The following NDUFV2 variants were observed in gnomAD, a reference collection of about 807,000 sequenced individuals.
NDUFV2 encodes NADH dehydrogenase [ubiquinone] flavoprotein 2, mitochondrial.
NDUFV2 carries 18 observed loss-of-function variants against 31.6 expected under a neutral mutation model. The observed-to-expected ratio is 0.57, with a 90% CI of 0.39 to 0.84. NDUFV2 has a LOEUF of 0.84. NDUFV2 is among the 40% of genes least tolerant of loss of function. The pLI is 0.00. For missense variants in NDUFV2, 314 were observed against 303.6 expected (o/e 1.03, Z -0.26); for synonymous variants, 83 against 99.8 (o/e 0.83, Z 1.01).
rs897584045 is a variant in NDUFV2 at position 9,104,891 on chromosome 18, C to T, written c.54+2094C>T. ...TCAAAAAATAAAAATCATCCATTGT[C>T]TTGTCAACCTGGAAATTACCATTGT... On this transcript the variant is annotated intron_variant, in intron 1 of 7. Transcript: ENST00000318388. The T allele has an allele frequency of 5.4e-6, 8 of 1,479,198 alleles. No homozygotes were observed. The African/African-American group carries it at 9.7e-5, about 18-fold the overall frequency. The allele number at this position is 1,479,198 out of a possible 1,614,324, so 91.6% of individuals were successfully genotyped here.
chr18:9,125,015 G>T (rs770081697), intron 6 of NDUFV2, 32 bp downstream of exon 6: 9 of 1,599,564 alleles, frequency 5.6e-6, no homozygotes, highest in Non-Finnish European at 6.8e-6. Context: ...AGTTAAAGTT[G>T]TATGATGTCA....
chr18:9,116,176 C>G (rs1262844612), intron 1 of NDUFV2, among the ~76,000 whole-genome samples: 2 of 152,136 alleles, frequency 1.3e-5, no homozygotes, highest in African/African-American at 4.8e-5. Context: ...TAAGACTCAT[C>G]ACTGTCAAGT....
At position 9,106,085 on chromosome 18, in the gene NDUFV2, C is replaced by T. The variant is rs553970131; in HGVS notation, c.54+3288C>T. Among the ~76,000 whole-genome samples, 14 of 152,234 alleles carry T rather than the reference C, an allele frequency of 9.2e-5. No individual in the cohort carries two copies. In the East Asian group the frequency reaches 2.1e-3, roughly 23 times the overall value. ...TGGGCAGCAGATCAAATATTGGTTC[C>T]GTTCTTTTAGCTAGGCTCCTTGGAG... On this transcript the variant is annotated intron_variant, in intron 1 of 7. Transcript: ENST00000318388.
At chr18:9,128,896 T>C (rs1052744629) in intron 7 of NDUFV2, among the ~76,000 whole-genome samples, 6 of 152,166 alleles carry the variant, frequency 3.9e-5, no homozygotes, top group Non-Finnish European at 7.4e-5. Context: ...TTAGATGTTT[T>C]GAATTCTATA....
chr18:9,134,092 T>C (rs2078063577), intron 7 of NDUFV2, 94 bp from the exon 8 acceptor site: 1 of 868,940 alleles, frequency 1.2e-6, no homozygotes, highest in Non-Finnish European at 1.9e-6. Context: ...TAAAAATAGT[T>C]ACTTAACTGG....
chr18:9,125,067 G>A, intron 6 of NDUFV2, 84 bp downstream of exon 6: 3 of 1,416,506 alleles, frequency 2.1e-6, no homozygotes, highest in East Asian at 2.5e-5. Flanking sequence ...GTCCTTAGAT[G>A]TTGGTTTCTG....
chr18:9,107,294 T>G (rs1179456486), intron 1 of NDUFV2, among the ~76,000 whole-genome samples: 1 of 152,250 alleles, frequency 6.6e-6, no homozygotes, highest in Non-Finnish European at 1.5e-5. Flanking sequence ...CTTTGGGCAC[T>G]GTTTAGTACC....
intron 1 of NDUFV2, among the ~76,000 whole-genome samples, chr18:9,108,450 T>G (rs1406134223): frequency 6.6e-6 from 1 of 152,202 alleles, no homozygotes; most frequent in Non-Finnish European, 1.5e-5. Context: ...AGGGAAAGTT[T>G]TTCCCCCTTC....
intron 1 of NDUFV2, among the ~76,000 whole-genome samples, chr18:9,114,131 A>G (rs765428547): frequency 6.6e-6 from 1 of 152,036 alleles, no homozygotes; most frequent in African/African-American, 2.4e-5. Context: ...CTGCTCACCA[A>G]ATGCACAAAC....
intron 1 of NDUFV2, among the ~76,000 whole-genome samples, chr18:9,108,426 T>A (rs2077852346): frequency 1.3e-5 from 2 of 152,224 alleles, no homozygotes; most frequent in African/African-American, 4.8e-5. Context: ...TTCATTTATT[T>A]AGCTGTGTGA....
intron 1 of NDUFV2, among the ~76,000 whole-genome samples, chr18:9,110,558 G>A (rs1442473453): frequency 2.6e-5 from 4 of 152,078 alleles, no homozygotes; most frequent in African/African-American, 9.7e-5. Flanking sequence ...TCCCAGGCTT[G>A]GGTGCAGTGC....
intron 1 of NDUFV2, among the ~76,000 whole-genome samples, chr18:9,116,096 A>T (rs1329573003): frequency 1.3e-5 from 2 of 152,184 alleles, no homozygotes; most frequent in African/African-American, 4.8e-5. Flanking sequence ...CATGATCTTT[A>T]CTCATTTTTT....
At chr18:9,110,678 T>C (rs999357287) in intron 1 of NDUFV2, among the ~76,000 whole-genome samples, 1 of 152,122 alleles carries the variant, frequency 6.6e-6, no homozygotes, top group Non-Finnish European at 1.5e-5. Flanking sequence ...TGGCTAACTT[T>C]TGTATTTTTT....
intron 5 of NDUFV2, among the ~76,000 whole-genome samples, chr18:9,124,569 C>T (rs2077971195): frequency 1.3e-5 from 2 of 151,810 alleles, no homozygotes; most frequent in Admixed American, 6.6e-5. Flanking sequence ...CTGCCTCAGC[C>T]TCCCGAGTAG....
intron 7 of NDUFV2, among the ~76,000 whole-genome samples, chr18:9,128,130 G>A (rs1418594644): frequency 1.3e-5 from 2 of 152,090 alleles, no homozygotes; most frequent in Non-Finnish European, 2.9e-5. Context: ...TTTTGTTTAT[G>A]TATATAAATT....
rs769096681 is a variant in NDUFV2 at position 9,126,888 on chromosome 18, A to G, written c.637A>G (p.Ile213Val). The G allele has an allele frequency of 8.1e-6, 13 of 1,613,792 alleles. No homozygotes were observed. The African/African-American group carries it at 1.7e-4, about 22-fold the overall frequency. Residue 213 changes from isoleucine (I) to valine (V), a missense_variant, in exon 7 of 8, where the codon ATC (isoleucine) becomes GTC (valine). Transcript: ENST00000318388. ...TATTGATGAGCTCAAGGCTGGCAAA[A>G]TCCCAAAACCAGGGCCAAGGTATGC... ...EIIDELKAGK[I>V]PKPGPRSGRF...
At chr18:9,125,534 C>T (rs980744387) in intron 6 of NDUFV2, among the ~76,000 whole-genome samples, 14 of 148,126 alleles carry the variant, frequency 9.5e-5, no homozygotes, top group Non-Finnish European at 1.8e-4. Flanking sequence ...TTTGATTGAG[C>T]GTTTCTGTTT....
chr18:9,106,050 A>G (rs571946155), intron 1 of NDUFV2, among the ~76,000 whole-genome samples: 74 of 152,330 alleles, frequency 4.9e-4, no homozygotes, highest in African/African-American at 1.6e-3. Flanking sequence ...GTTGCTATCC[A>G]TATCCCTTGT....
At chr18:9,131,542 G>A (rs951510870) in intron 7 of NDUFV2, among the ~76,000 whole-genome samples, 1 of 152,158 alleles carries the variant, frequency 6.6e-6, no homozygotes, top group Admixed American at 6.5e-5. Flanking sequence ...CAATGCGGTT[G>A]GTAGATGACT....
Sources: gnomAD v4.1 joint callset for allele counts (sites outside exome capture counted in the v4.1 genomes callset) on GRCh38, gnomAD v4.1.1 for gene constraint, MANE v1.5 for transcripts, NCBI Gene and HGNC (gene_info 2026-07-23, HGNC 2026-07-21) for gene names.